PIK3AP1: variants seen among roughly 807,000 people sequenced by gnomAD.
PIK3AP1 encodes phosphoinositide-3-kinase adaptor protein 1, also known as phosphoinositide 3-kinase adapter protein 1.
PIK3AP1 carries 21 observed loss-of-function variants against 88.1 expected under a neutral mutation model. The ratio of observed to expected loss-of-function variants is 0.24; its 90% confidence interval spans 0.17 to 0.34. The LOEUF is 0.34. Among genes scored for constraint, PIK3AP1 ranks in the 10% least tolerant of loss-of-function variants. PIK3AP1 has a pLI of 1.00. For missense variants in PIK3AP1, 828 were observed against 1,035.7 expected, an observed-to-expected ratio of 0.80 and a Z score of 2.75; for synonymous variants, 398 against 400.0, an observed-to-expected ratio of 1.00 and a Z score of 0.06.
chr10:96,647,217 A>G (rs4290161), intron 7 of PIK3AP1, among the ~76,000 whole-genome samples: 1 of 152,194 alleles, frequency 6.6e-6, no homozygotes, highest in Non-Finnish European at 1.5e-5. Flanking sequence ...CCAGTTAAAT[A>G]CAACAGGATA....
intron 15 of PIK3AP1, among the ~76,000 whole-genome samples, chr10:96,603,509 A>G (rs1254910454): frequency 6.6e-6 from 1 of 152,112 alleles, no homozygotes; most frequent in East Asian, 1.9e-4. Flanking sequence ...AGACTGGCTT[A>G]GCCTCCCAGC....
At chr10:96,650,856 C>G (rs1167671227) in intron 6 of PIK3AP1, among the ~76,000 whole-genome samples, 1 of 152,076 alleles carries the variant, frequency 6.6e-6, no homozygotes, top group Non-Finnish European at 1.5e-5. Flanking sequence ...GAGATGAGGG[C>G]TTGTTCACAG....
intron 1 of PIK3AP1, among the ~76,000 whole-genome samples, chr10:96,715,481 T>G (rs932151852): frequency 1.3e-5 from 2 of 152,188 alleles, no homozygotes; most frequent in African/African-American, 4.8e-5. Context: ...AAAACCACAC[T>G]AATGTAAGAT....
At chr10:96,641,812 C>T (rs1378635418) in intron 8 of PIK3AP1, among the ~76,000 whole-genome samples, 2 of 152,112 alleles carry the variant, frequency 1.3e-5, no homozygotes, top group African/African-American at 4.8e-5. Context: ...GATGAGATCA[C>T]GGGGATACAG....
At chr10:96,648,567 G>A (rs1196224076) in intron 7 of PIK3AP1, 92 bp downstream of exon 7, 2 of 1,323,374 alleles carry the variant, frequency 1.5e-6, no homozygotes, top group Non-Finnish European at 2.0e-6. Context: ...GGACATGCTA[G>A]AGATAAAATC....
At chr10:96,665,451 A>T (rs955590333) in intron 2 of PIK3AP1, among the ~76,000 whole-genome samples, 1 of 151,980 alleles carries the variant, frequency 6.6e-6, no homozygotes, top group Non-Finnish European at 1.5e-5. Context: ...GGTCTTGCCT[A>T]TTTCTCTTTT....
At chr10:96,597,307 CTTCCTTCCTTCCTTCCTTCCTTCT>C (rs1848781350) in intron 16 of PIK3AP1, among the ~76,000 whole-genome samples, 3 of 129,502 alleles carry the variant, frequency 2.3e-5, no homozygotes, top group South Asian at 2.8e-4. Context: ...TCCTTCCTTC[CTTCCTTCCTTCCTTCCTTCCTTCT>C]TTCCTTCCCT....
At chr10:96,625,295 C>G (rs1222957062) in intron 10 of PIK3AP1, among the ~76,000 whole-genome samples, 2 of 152,112 alleles carry the variant, frequency 1.3e-5, no homozygotes, top group Non-Finnish European at 2.9e-5. Context: ...AGAGGAAGCC[C>G]TCAGGCTGCA....
chr10:96,656,187 T>C (rs545580432), intron 3 of PIK3AP1, among the ~76,000 whole-genome samples: 1 of 152,200 alleles, frequency 6.6e-6, no homozygotes, highest in South Asian at 2.1e-4. Flanking sequence ...AAAGGAAAAA[T>C]AAAGAAAAAC....
At chr10:96,691,868 T>C (rs1844159211) in intron 2 of PIK3AP1, among the ~76,000 whole-genome samples, 1 of 152,200 alleles carries the variant, frequency 6.6e-6, no homozygotes, top group Non-Finnish European at 1.5e-5. Flanking sequence ...AAAATGCTCA[T>C]TTATGAAATC....
At chr10:96,636,547 T>G (rs1843315347) in intron 8 of PIK3AP1, among the ~76,000 whole-genome samples, 1 of 152,210 alleles carries the variant, frequency 6.6e-6, no homozygotes, top group Admixed American at 6.5e-5. Flanking sequence ...AAGAGCATTT[T>G]GGGAGGGAAA....
intron 3 of PIK3AP1, among the ~76,000 whole-genome samples, 163 bp from the exon 4 acceptor site, chr10:96,653,005 C>T (rs891700296): frequency 1.3e-5 from 2 of 152,008 alleles, no homozygotes; most frequent in South Asian, 2.1e-4. Flanking sequence ...CTGTTTGCTA[C>T]CAGTCCCAAC....
At chr10:96,668,281 A>G (rs958310986) in intron 2 of PIK3AP1, among the ~76,000 whole-genome samples, 2 of 152,252 alleles carry the variant, frequency 1.3e-5, no homozygotes, top group African/African-American at 4.8e-5. Flanking sequence ...ATTGTATGGT[A>G]CATGAATTTA....
chr10:96,627,502 CTTTA>C (rs998402165), intron 9 of PIK3AP1, among the ~76,000 whole-genome samples: 1 of 152,312 alleles, frequency 6.6e-6, no homozygotes, highest in East Asian at 1.9e-4. Context: ...TCCAATAAAA[CTTTA>C]TTTATAAGAC....
chr10:96,701,126 T>A (rs973598445), intron 2 of PIK3AP1, among the ~76,000 whole-genome samples: 10 of 152,236 alleles, frequency 6.6e-5, no homozygotes, highest in African/African-American at 2.4e-4. Context: ...AGATTCCTAT[T>A]CAGTAGGTCT....
At chr10:96,691,389 A>G (rs1470992185) in intron 2 of PIK3AP1, among the ~76,000 whole-genome samples, 1 of 152,222 alleles carries the variant, frequency 6.6e-6, no homozygotes, top group African/African-American at 2.4e-5. Context: ...CATACTGAGC[A>G]TGTGGTCACC....
intron 1 of PIK3AP1, among the ~76,000 whole-genome samples, chr10:96,710,665 G>T (rs1844427590): frequency 6.6e-6 from 1 of 152,024 alleles, no homozygotes. Flanking sequence ...TTATATAGAG[G>T]TTACTATGTT....
intron 3 of PIK3AP1, among the ~76,000 whole-genome samples, chr10:96,655,130 T>C (rs1843597498): frequency 6.6e-6 from 1 of 152,104 alleles, no homozygotes. Context: ...GCTCAAGGGA[T>C]CCACCCGCCT....
rs146457754 is a variant in PIK3AP1 at position 96,627,677 on chromosome 10, T to C, written c.1471+721A>G. Among the ~76,000 whole-genome samples, 1,286 of 152,280 alleles carry C rather than the reference T, an allele frequency of 8.4e-3. 16 individuals are homozygous for C. Among genetic ancestry groups the C allele is most frequent in the African/African-American group, 0.027 (1,134 of 41,554 alleles). On this transcript the variant is annotated intron_variant, in intron 9 of 16. Coordinates refer to ENST00000339364, the MANE Select transcript of PIK3AP1 (RefSeq NM_152309.3). ...AGACCCCACCATACATTGCAAATGA[T>C]TGGACAGGGTTAAAGAATTACCCAC...
Sources: allele counts gnomAD v4.1 joint callset (sites outside exome capture counted in the v4.1 genomes callset), GRCh38; gene constraint gnomAD v4.1.1; transcripts MANE v1.5; gene names NCBI Gene and HGNC (gene_info 2026-07-23, HGNC 2026-07-21).